The following AP2A2 variants were observed in gnomAD, a reference collection of about 807,000 sequenced individuals.
AP2A2 encodes the protein AP-2 complex subunit alpha-2.
AP2A2 carries 32 observed loss-of-function variants against 104.2 expected under a neutral mutation model. The ratio of observed to expected loss-of-function variants is 0.31; its 90% confidence interval spans 0.23 to 0.41. The LOEUF (loss-of-function observed/expected upper bound fraction) is 0.41, where lower values mean the gene tolerates loss of function less well. AP2A2 is among the 10% of genes least tolerant of loss of function. The pLI is 1.00. For missense variants in AP2A2, 912 were observed against 1,261.0 expected (o/e 0.72, Z 4.19); for synonymous variants, 539 against 533.3 (o/e 1.01, Z -0.15).
intron 1 of AP2A2, among the ~76,000 whole-genome samples, chr11:930,549 T>C (rs1310635476): frequency 1.3e-5 from 2 of 151,940 alleles, no homozygotes; most frequent in East Asian, 1.9e-4. Flanking sequence ...GAGACGGAGT[T>C]GCGCTCTGTC....
At chr11:964,660 TAATAA>T (rs1341453285) in intron 2 of AP2A2, among the ~76,000 whole-genome samples, 2 of 152,106 alleles carry the variant, frequency 1.3e-5, no homozygotes, top group Admixed American at 6.6e-5. Flanking sequence ...TATTTTTTTT[TAATAA>T]AATGTTGTGA....
chr11:932,035 G>C (rs998197351), intron 1 of AP2A2, among the ~76,000 whole-genome samples: 1 of 151,530 alleles, frequency 6.6e-6, no homozygotes, highest in Non-Finnish European at 1.5e-5. Context: ...TCCTGACCTC[G>C]TGAGCCACCA....
chr11:950,891 A>C (rs1854029654), intron 1 of AP2A2, among the ~76,000 whole-genome samples: 1 of 151,744 alleles, frequency 6.6e-6, no homozygotes, highest in East Asian at 1.9e-4. Flanking sequence ...TCAGGAGTTC[A>C]AGACCAGCCT....
Position 1,010,876 on chromosome 11 carries a change from C to T in AP2A2, c.*251C>T, listed in dbSNP as rs17156180. On this transcript the variant is annotated 3_prime_UTR_variant, in exon 22 of 22. Coordinates refer to ENST00000448903, the MANE Select transcript of AP2A2 (RefSeq NM_012305.4). The stretch of plus-strand genomic sequence containing the variant: ...TCTTGGGATCAATTTTTATAAAAAT[C>T]GAGACAGTTCTGTGGTTAAATCTAC... 45,900 of 633,372 alleles carry T rather than the reference C, an allele frequency of 0.072. 1,926 individuals carry two copies. The highest frequency in any genetic ancestry group is 0.11 in the Middle Eastern group (259 of 2,404). The allele number at this position is 633,372 out of a possible 1,614,324, so 39.2% of individuals were successfully genotyped here.
chr11:1,011,421 C>G lies in AP2A2; in HGVS notation c.*796C>G. ...TCTTTCCTGTCAGAGTGGGCGTCCC[C>G]AGGCCACGGTGCAGGCCTGAGTCCT... On this transcript the variant is annotated 3_prime_UTR_variant, in exon 22 of 22. Coordinates refer to ENST00000448903, the MANE Select transcript of AP2A2 (RefSeq NM_012305.4). The G allele has an allele frequency of 2.0e-6, 1 of 506,814 alleles. No homozygotes were observed. Among genetic ancestry groups the G allele is most frequent in the Non-Finnish European group, 3.9e-6 (1 of 254,098 alleles). The allele number at this position is 506,814 out of a possible 1,614,324, so 31.4% of individuals were successfully genotyped here. A position where few individuals can be genotyped will look rare whatever the true frequency, so the allele number is the denominator to read the frequency against.
In AP2A2 at chr11:1,008,008, G is replaced by A. The variant is rs148765741; in HGVS notation, c.2297-4G>A. ...TGCTCAGCTGGATTCCTTAACGCAC[G>A]CACACCTGAACCTGCAGACCAAGCC... On this transcript the variant is annotated splice_polypyrimidine_tract_variant and splice_region_variant and intron_variant, in intron 17 of 21. Coordinates refer to ENST00000448903, the MANE Select transcript of AP2A2 (RefSeq NM_012305.4). 8.7e-5 allele frequency: 136 copies of A among 1,555,454 alleles called. No individual in the cohort carries two copies. Among genetic ancestry groups the A allele is most frequent in the East Asian group, 5.6e-4 (23 of 41,230 alleles).
chr11:1,006,946 C>T (rs1856228579), intron 17 of AP2A2: 1 of 242,930 alleles, frequency 4.1e-6, no homozygotes, highest in East Asian at 9.9e-5. Context: ...CCCTCCTCTC[C>T]GAAGCCTCAC....
chr11:935,501 C>T (rs1172480469), intron 1 of AP2A2, among the ~76,000 whole-genome samples: 2 of 151,828 alleles, frequency 1.3e-5, no homozygotes, highest in South Asian at 2.1e-4. Context: ...AGAGTTTCGC[C>T]GTGTTGGCCA....
intron 21 of AP2A2, 44 bp from the exon 22 acceptor site, chr11:1,010,504 T>C (rs1302183864): frequency 6.6e-7 from 1 of 1,504,878 alleles, no homozygotes; most frequent in Non-Finnish European, 9.1e-7. Context: ...GAGGGCTGTG[T>C]GAGCCTCGGC....
At chr11:976,868 G>C (rs1378283471) in intron 4 of AP2A2, among the ~76,000 whole-genome samples, 1 of 152,254 alleles carries the variant, frequency 6.6e-6, no homozygotes, top group Non-Finnish European at 1.5e-5. Flanking sequence ...GTCGGCTGGT[G>C]GTTTTGGTGG....
chr11:1,008,291 G>C, intron 18 of AP2A2, 156 bp downstream of exon 18: 1 of 1,164,834 alleles, frequency 8.6e-7, no homozygotes, highest in East Asian at 2.9e-5. Flanking sequence ...TGCTGCCCCC[G>C]GCTCTGCAGA....
chr11:958,961 C>T, intron 1 of AP2A2, among the ~76,000 whole-genome samples: 1 of 152,162 alleles, frequency 6.6e-6, no homozygotes, highest in Non-Finnish European at 1.5e-5. Context: ...GAGGAAGAAA[C>T]TGTGGAGGTG....
At chr11:931,264 C>G (rs1451218761) in intron 1 of AP2A2, among the ~76,000 whole-genome samples, 1 of 151,870 alleles carries the variant, frequency 6.6e-6, no homozygotes, top group Non-Finnish European at 1.5e-5. Flanking sequence ...GGAAACAAGA[C>G]CATAATTATT....
chr11:1,009,820 C>G lies in AP2A2; in HGVS notation c.2742+3C>G. The G allele has an allele frequency of 1.3e-6, 2 of 1,539,684 alleles. No individual in the cohort carries two copies. Among genetic ancestry groups the G allele is most frequent in the East Asian group, 4.9e-5 (2 of 40,542 alleles). On this transcript the variant is annotated splice_donor_region_variant and intron_variant, in intron 21 of 21. Coordinates refer to ENST00000448903, the MANE Select transcript of AP2A2 (RefSeq NM_012305.4). ...TGGAGCCGAACCTGCAAGCCCAGGT[C>G]AGGCCCTCAGGAAATGGTGGAACAC... is the stretch of plus-strand genomic sequence containing the variant.
At chr11:1,000,345 A>G (rs1855989445) in intron 14 of AP2A2, 87 bp from the exon 15 acceptor site, 1 of 1,362,750 alleles carries the variant, frequency 7.3e-7, no homozygotes, top group East Asian at 2.5e-5. Context: ...AGGGGGTGCC[A>G]TGGGGGAGGA....
intron 6 of AP2A2, among the ~76,000 whole-genome samples, 197 bp from the exon 7 acceptor site, chr11:984,448 G>A (rs759150459): frequency 2.7e-4 from 41 of 152,200 alleles, no homozygotes; most frequent in Non-Finnish European, 4.9e-4. Flanking sequence ...CTGCGGCAGC[G>A]TGTTGCCGAG....
At chr11:987,878 A>G (rs990112387) in intron 9 of AP2A2, among the ~76,000 whole-genome samples, 10 of 152,364 alleles carry the variant, frequency 6.6e-5, no homozygotes, top group African/African-American at 2.2e-4. Context: ...GGCTGCTCCC[A>G]GTCCCCCGCA....
chr11:950,954 T>A (rs1854032338), intron 1 of AP2A2, among the ~76,000 whole-genome samples: 3 of 151,750 alleles, frequency 2.0e-5, no homozygotes, highest in African/African-American at 7.3e-5. Context: ...TAACTGGGTG[T>A]GGTGGTGTGC....
chr11:996,606 A>G (rs954341621), intron 14 of AP2A2, among the ~76,000 whole-genome samples: 1 of 152,128 alleles, frequency 6.6e-6, no homozygotes, highest in African/African-American at 2.4e-5. Flanking sequence ...TAGGGATCAG[A>G]TGGAAGCTTC....
Sources: gnomAD v4.1 joint callset for allele counts (sites outside exome capture counted in the v4.1 genomes callset) on GRCh38, gnomAD v4.1.1 for gene constraint, MANE v1.5 for transcripts, NCBI Gene and HGNC (gene_info 2026-07-23, HGNC 2026-07-21) for gene names.